The following PSMC1 variants were observed in gnomAD, a reference collection of about 807,000 sequenced individuals.
PSMC1 encodes proteasome 26S subunit, ATPase 1.
PSMC1 carries 5 observed loss-of-function variants against 49.8 expected under a neutral mutation model. The observed-to-expected ratio is 0.10, with a 90% CI of 0.05 to 0.21. The LOEUF (loss-of-function observed/expected upper bound fraction) is 0.21, where lower values mean the gene tolerates loss of function less well. Among genes scored for constraint, PSMC1 ranks in the 10% least tolerant of loss-of-function variants. PSMC1 has a pLI of 1.00. For missense variants in PSMC1, 181 were observed against 535.7 expected (o/e 0.34, Z 6.54); for synonymous variants, 155 against 192.1 (o/e 0.81, Z 1.60).
At position 90,263,303 on chromosome 14, in the gene PSMC1, A is replaced by G. The variant is rs372025051; in HGVS notation, c.155-15A>G. ...CAGGGTCCACATATAATGAAACTTT[A>G]TATTTAAATTTCAGTGACACCTCAC... is the stretch of plus-strand genomic sequence containing the variant. On this transcript the variant is annotated splice_polypyrimidine_tract_variant and intron_variant, in intron 3 of 10. Transcript: ENST00000261303. 14 of 1,582,238 alleles carry G rather than the reference A, an allele frequency of 8.8e-6. No individual in the cohort carries two copies. Among genetic ancestry groups the G allele is most frequent in the Non-Finnish European group, 6.0e-6 (7 of 1,170,004 alleles).
At chr14:90,271,892 ATTTTTTT>A (rs58641715) in intron 10 of PSMC1, 5 of 140,142 alleles carry the variant, frequency 3.6e-5, no homozygotes, top group South Asian at 2.2e-4. Flanking sequence ...TTCAGAACAG[ATTTTTTT>A]TTTTTTTTTT....
intron 3 of PSMC1, among the ~76,000 whole-genome samples, chr14:90,262,726 A>G (rs780887773): frequency 4.0e-5 from 6 of 151,886 alleles, no homozygotes; most frequent in Non-Finnish European, 5.9e-5. Flanking sequence ...AGAGGTTGCA[A>G]TGAGCTGAGA....
At chr14:90,271,869 T>A (rs1460235436) in intron 10 of PSMC1, 1 of 153,076 alleles carries the variant, frequency 6.5e-6, no homozygotes, top group African/African-American at 2.4e-5. Flanking sequence ...AGTCTAGGTG[T>A]CTCATGCTTT....
chr14:90,259,093 T>C, intron 1 of PSMC1, 67 bp from the exon 2 acceptor site: 1 of 1,502,410 alleles, frequency 6.7e-7, no homozygotes, highest in Non-Finnish European at 9.2e-7. Context: ...CACAGGACAG[T>C]ATAAAGTTAT....
At chr14:90,271,602 G>A (rs1891665220) in intron 10 of PSMC1, 1 of 152,104 alleles carries the variant, frequency 6.6e-6, no homozygotes, top group African/African-American at 2.4e-5. Context: ...GACATATACT[G>A]TCAATTGCCT....
chr14:90,263,497 T>A, intron 4 of PSMC1, 55 bp downstream of exon 4: 1 of 1,505,842 alleles, frequency 6.6e-7, no homozygotes, highest in Non-Finnish European at 9.0e-7. Context: ...TCTATAAAAT[T>A]GTCAACAAAT....
At chr14:90,271,557 T>C (rs1891663803) in intron 10 of PSMC1, 3 of 152,218 alleles carry the variant, frequency 2.0e-5, no homozygotes, top group Non-Finnish European at 2.9e-5. Flanking sequence ...CTAACCAGAA[T>C]ACATGTTCTT....
intron 8 of PSMC1, chr14:90,268,835 T>G (rs1891587154): frequency 6.1e-6 from 1 of 164,970 alleles, no homozygotes; most frequent in Non-Finnish European, 1.3e-5. Context: ...TTAGTCCATT[T>G]GTGCTGCTAA....
intron 5 of PSMC1, 58 bp from the exon 6 acceptor site, chr14:90,263,983 T>G: frequency 6.3e-7 from 1 of 1,586,624 alleles, no homozygotes; most frequent in African/African-American, 1.3e-5. Flanking sequence ...ATTGCTTTGC[T>G]GTAAACAGAT....
chr14:90,262,079 C>T (rs1292138443), intron 3 of PSMC1, among the ~76,000 whole-genome samples: 2 of 145,150 alleles, frequency 1.4e-5, no homozygotes, highest in Non-Finnish European at 3.0e-5. Flanking sequence ...TGTTCTCACT[C>T]ATAGGTGGGA....
intron 7 of PSMC1, among the ~76,000 whole-genome samples, chr14:90,266,669 C>A (rs1891523970): frequency 6.6e-6 from 1 of 152,212 alleles, no homozygotes; most frequent in South Asian, 2.1e-4. Context: ...ACTGGACAAA[C>A]AAGTCTGTCA....
rs1491397403 is a variant in PSMC1 at position 90,274,838 on chromosome 14, A to ACACCCC, written c.*2432_*2433insACCCCC. ...CACACACACACACACACACACACACACCCCAATACATATGAATTGATCTGA... is the reference window on the plus strand; with the variant it reads ...CACACACACACACACACACACACACACACCCCCCCCAATACATATGAATTGATCTGA... On this transcript the variant is annotated 3_prime_UTR_variant, in exon 11 of 11. Transcript: ENST00000261303. 65 of 67,192 alleles carry ACACCCC rather than the reference A, an allele frequency of 9.7e-4. No individual in the cohort carries two copies. The highest frequency in any genetic ancestry group is 6.8e-3 in the East Asian group (20 of 2,948). 4.2% of individuals were successfully genotyped at this position (67,192 alleles called of 1,614,324 possible).
intron 6 of PSMC1, among the ~76,000 whole-genome samples, chr14:90,264,761 A>ATTTT (rs1367234611): frequency 2.0e-5 from 3 of 152,194 alleles, no homozygotes; most frequent in Non-Finnish European, 4.4e-5. Flanking sequence ...CTGTAGTTTA[A>ATTTT]TTGAAAAGGG....
intron 9 of PSMC1, chr14:90,269,931 T>A: frequency 8.9e-6 from 4 of 449,586 alleles, no homozygotes; most frequent in Non-Finnish European, 1.6e-5. Context: ...ACACAATAGG[T>A]CTGCCCAGTT....
intron 3 of PSMC1, among the ~76,000 whole-genome samples, chr14:90,262,626 T>C (rs1011080224): frequency 1.3e-5 from 2 of 151,894 alleles, no homozygotes; most frequent in African/African-American, 4.8e-5. Context: ...CTGCTAAAAA[T>C]CCAAAAAGTT....
At chr14:90,259,238 G>A (rs760185600) in intron 2 of PSMC1, 25 bp downstream of exon 2, 7 of 1,610,252 alleles carry the variant, frequency 4.3e-6, no homozygotes, top group South Asian at 1.1e-5. Context: ...TTTGTCCTGT[G>A]ATATGAGCAA....
At chr14:90,268,187 G>A (rs2139649810) in intron 7 of PSMC1, 37 bp from the exon 8 acceptor site, 3 of 1,419,362 alleles carry the variant, frequency 2.1e-6, no homozygotes, top group South Asian at 1.3e-5. Flanking sequence ...GGCACTTAAG[G>A]TGTCTTTTTT....
chr14:90,258,771 T>C lies in PSMC1; in HGVS notation c.4-389T>C, dbSNP rs912671575. 2.0e-5 allele frequency among the ~76,000 whole-genome samples: 3 copies of C among 152,364 alleles called. No individual in the cohort carries two copies. The South Asian group carries it at 6.2e-4, about 32-fold the overall frequency. On this transcript the variant is annotated intron_variant, in intron 1 of 10. Coordinates refer to ENST00000261303, the MANE Select transcript of PSMC1 (RefSeq NM_002802.3). ...TGACGTAGCTTTCATAGCCTGATTT[T>C]ATGGAATACATTCTTGATAGCTTCA...
In PSMC1 at chr14:90,263,488, C is replaced by A. The variant is rs369205963; in HGVS notation, c.279+46C>A. ...CATTTTCTTTTTTACAAATTGAATTCTATAAAATTGTCAACAAATAAATGA... is the reference window on the plus strand; with the variant it reads ...CATTTTCTTTTTTACAAATTGAATTATATAAAATTGTCAACAAATAAATGA... On this transcript the variant is annotated intron_variant, in intron 4 of 10. Coordinates refer to ENST00000261303, the MANE Select transcript of PSMC1 (RefSeq NM_002802.3). The A allele has an allele frequency of 1.1e-5, 16 of 1,518,564 alleles. No homozygotes were observed. In the African/African-American group the frequency reaches 2.1e-4, roughly 20 times the overall value. The allele number at this position is 1,518,564 out of a possible 1,614,324, so 94.1% of individuals were successfully genotyped here. A position where few individuals can be genotyped will look rare whatever the true frequency, so the allele number is the denominator to read the frequency against.
Sources: allele counts gnomAD v4.1 joint callset (sites outside exome capture counted in the v4.1 genomes callset), GRCh38; gene constraint gnomAD v4.1.1; transcripts MANE v1.5; gene names NCBI Gene and HGNC (gene_info 2026-07-23, HGNC 2026-07-21).